The following TTC7B variants were observed in gnomAD, a reference collection of about 807,000 sequenced individuals.
The protein encoded by TTC7B is tetratricopeptide repeat protein 7B.
TTC7B carries 28 observed loss-of-function variants against 106.8 expected under a neutral mutation model. The ratio of observed to expected loss-of-function variants is 0.26; its 90% CI spans 0.19 to 0.36. The LOEUF (loss-of-function observed/expected upper bound fraction) is 0.36, where lower values mean the gene tolerates loss of function less well. Among genes scored for constraint, TTC7B ranks in the 10% least tolerant of loss-of-function variants. TTC7B has a pLI of 1.00. For missense variants in TTC7B, 862 were observed against 1,076.4 expected, an observed-to-expected ratio of 0.80 and a Z score of 2.79; for synonymous variants, 405 against 430.6, an observed-to-expected ratio of 0.94 and a Z score of 0.74.
chr14:90,703,506 C>T (rs1039708733), intron 5 of TTC7B, among the ~76,000 whole-genome samples: 15 of 152,184 alleles, frequency 9.9e-5, no homozygotes, highest in East Asian at 5.8e-4. Context: ...AGGAGAACTG[C>T]ATTTCCAACA....
At chr14:90,679,163 G>A (rs892433545) in intron 8 of TTC7B, among the ~76,000 whole-genome samples, 4 of 152,110 alleles carry the variant, frequency 2.6e-5, no homozygotes, top group East Asian at 1.9e-4. Context: ...GCTGACTATC[G>A]GGCAACCTGC....
chr14:90,657,074 G>T lies in TTC7B; in HGVS notation c.1341+100C>A. 1 of 1,039,570 alleles carries T rather than the reference G, an allele frequency of 9.6e-7. No individual in the cohort carries two copies. The highest frequency in any genetic ancestry group is 1.5e-5 in the South Asian group (1 of 68,216). 64.4% of individuals were successfully genotyped at this position (1,039,570 alleles called of 1,614,324 possible). On this transcript the variant is annotated intron_variant, in intron 11 of 19. Transcript: ENST00000328459. The surrounding 1 kb of genome is among the most constrained non-coding windows in gnomAD (Gnocchi z 4.2). ...ACAGTCTTGTCTTTGTACAGCTGAT[G>T]AATCACCCTCGCTTTCTCTCTGTGC...
intron 16 of TTC7B, among the ~76,000 whole-genome samples, chr14:90,611,124 C>A (rs563684250): frequency 1.3e-5 from 2 of 152,264 alleles, no homozygotes; most frequent in South Asian, 2.1e-4. Flanking sequence ...AAACTTGAAG[C>A]TTCATTTTCC....
chr14:90,574,915 C>G (rs1048046150), intron 19 of TTC7B, among the ~76,000 whole-genome samples: 2 of 152,204 alleles, frequency 1.3e-5, no homozygotes, highest in African/African-American at 2.4e-5. Context: ...TCCCTTGGAG[C>G]CTCCGTAGTT....
At chr14:90,816,042 C>A (rs1329588842) in intron 1 of TTC7B, 133 bp downstream of exon 1, 1 of 953,756 alleles carries the variant, frequency 1.0e-6, no homozygotes, top group African/African-American at 1.8e-5. Flanking sequence ...CCGCGCACAT[C>A]CCCTGGGCCG....
chr14:90,705,260 T>A (rs952277045), intron 5 of TTC7B, among the ~76,000 whole-genome samples: 1 of 152,122 alleles, frequency 6.6e-6, no homozygotes, highest in African/African-American at 2.4e-5. Flanking sequence ...TCAGCCATCA[T>A]CTTCTTCTGA....
intron 15 of TTC7B, among the ~76,000 whole-genome samples, chr14:90,629,810 C>T (rs1008975606): frequency 2.0e-5 from 3 of 152,228 alleles, no homozygotes; most frequent in African/African-American, 4.8e-5. Context: ...CCCAGCTGCT[C>T]GGCTTTCTGA....
At chr14:90,571,130 T>G (rs1891018273) in intron 19 of TTC7B, among the ~76,000 whole-genome samples, 2 of 152,236 alleles carry the variant, frequency 1.3e-5, no homozygotes, top group African/African-American at 4.8e-5. Flanking sequence ...CCTCTCACTG[T>G]GTACTAGGAG....
At chr14:90,598,944 C>A (rs988827288) in intron 17 of TTC7B, among the ~76,000 whole-genome samples, 5 of 152,042 alleles carry the variant, frequency 3.3e-5, no homozygotes, top group African/African-American at 1.2e-4. Flanking sequence ...GGTCAGGAGT[C>A]TGAGACCAGG....
At chr14:90,779,538 C>T (rs554054282) in intron 3 of TTC7B, among the ~76,000 whole-genome samples, 2 of 152,290 alleles carry the variant, frequency 1.3e-5, no homozygotes, top group Non-Finnish European at 2.9e-5. Flanking sequence ...CTCCTGACCT[C>T]AGGTGATCTG....
chr14:90,590,737 T>C (rs1482292701), intron 18 of TTC7B, among the ~76,000 whole-genome samples: 1 of 152,232 alleles, frequency 6.6e-6, no homozygotes, highest in Non-Finnish European at 1.5e-5. Flanking sequence ...TGAAGGACTA[T>C]GTGAATATAT....
chr14:90,571,394 A>AC (rs1334812572), intron 19 of TTC7B, among the ~76,000 whole-genome samples: 1 of 152,198 alleles, frequency 6.6e-6, no homozygotes, highest in African/African-American at 2.4e-5. Flanking sequence ...AACTGCAGTT[A>AC]TAGCGAGGAA....
intron 15 of TTC7B, among the ~76,000 whole-genome samples, chr14:90,631,647 C>T (rs899881636): frequency 6.6e-6 from 1 of 152,056 alleles, no homozygotes; most frequent in South Asian, 2.1e-4. Flanking sequence ...ACTTTGTGAT[C>T]TGCCCATCTC....
chr14:90,668,662 C>T (rs57378330), intron 9 of TTC7B, among the ~76,000 whole-genome samples: 5,055 of 152,030 alleles, frequency 0.033, 270 homozygotes, highest in African/African-American at 0.12. Flanking sequence ...TATAAGGGGA[C>T]AGGTTCAGCG....
At chr14:90,676,772 G>C in intron 8 of TTC7B, 112 bp from the exon 9 acceptor site, 1 of 1,166,690 alleles carries the variant, frequency 8.6e-7, no homozygotes. Flanking sequence ...ATGGAGACAA[G>C]GGTAGGAATG....
At chr14:90,654,875 A>G (rs887823412) in intron 12 of TTC7B, 118 bp downstream of exon 12, 9 of 794,666 alleles carry the variant, frequency 1.1e-5, no homozygotes, top group African/African-American at 1.7e-5. Context: ...ATGGCACACC[A>G]GAATGCCCCA....
At chr14:90,714,453 A>G (rs1888572266) in intron 5 of TTC7B, among the ~76,000 whole-genome samples, 2 of 127,210 alleles carry the variant, frequency 1.6e-5, no homozygotes, top group South Asian at 4.7e-4. Context: ...GCACAGCTGT[A>G]TAAATTTTTT....
At chr14:90,547,784 T>TA (rs151125826) in intron 19 of TTC7B, among the ~76,000 whole-genome samples, 3,013 of 145,036 alleles carry the variant, frequency 0.021, 82 homozygotes, top group African/African-American at 0.059. Flanking sequence ...GTGACAGAGA[T>TA]AAAAAAAAAA....
intron 1 of TTC7B, among the ~76,000 whole-genome samples, chr14:90,792,380 C>T (rs990837207): frequency 6.6e-6 from 1 of 151,998 alleles, no homozygotes; most frequent in African/African-American, 2.4e-5. Context: ...AGTTCAAGAC[C>T]AGCTTGGCCA....
Sources: gnomAD v4.1 joint callset for allele counts (sites outside exome capture counted in the v4.1 genomes callset) on GRCh38, gnomAD v4.1.1 for gene constraint, Gnocchi (gnomAD v3.1) non-coding constraint, MANE v1.5 for transcripts, NCBI Gene and HGNC (gene_info 2026-07-23, HGNC 2026-07-21) for gene names.